Variants in REELD1 observed in about 807,000 individuals in gnomAD.
REELD1 encodes reeler domain containing 1.
A neutral mutation model predicts 6.3 loss-of-function variants in REELD1; 12 were observed. The observed-to-expected ratio is 1.89, with a 90% CI of 1.21 to 3.07. REELD1 has a LOEUF of 3.07. REELD1 is among the 30% of genes most tolerant of loss of function. The pLI, the probability that REELD1 is intolerant of heterozygous loss-of-function variation, is 0.00. For missense variants in REELD1, 163 were observed against 86.8 expected, an observed-to-expected ratio of 1.88 and a Z score of -3.49; for synonymous variants, 57 against 33.6, an observed-to-expected ratio of 1.70 and a Z score of -2.42.
At chr4:146,228,873 T>C (rs1307034033) in intron 6 of REELD1, among the ~76,000 whole-genome samples, 152 bp from the exon 7 acceptor site, 2 of 152,220 alleles carry the variant, frequency 1.3e-5, no homozygotes, top group Non-Finnish European at 2.9e-5. Flanking sequence ...CACTCATCTC[T>C]CCCCTTCCTC....
Position 146,214,596 on chromosome 4 carries a change from A to G in REELD1, c.-233A>G, listed in dbSNP as rs1003376210. The stretch of plus-strand genomic sequence containing the variant: ...GCTGTTATTCTCCCCATTAGAGGAA[A>G]AACTGAAAGGAGAAGAAAATACTTA... On this transcript the variant is annotated 5_prime_UTR_variant, in exon 1 of 8. Coordinates refer to ENST00000623665, the MANE Select transcript of REELD1 (RefSeq NM_001354631.1). The G allele has an allele frequency of 1.3e-5, 2 of 152,206 alleles. No homozygotes were observed. Among genetic ancestry groups the G allele is most frequent in the African/African-American group, 2.4e-5 (1 of 41,402 alleles). The allele number at this position is 152,206 out of a possible 1,614,324, so 9.4% of individuals were successfully genotyped here. A position where few individuals can be genotyped will look rare whatever the true frequency, so the allele number is the denominator to read the frequency against.
intron 3 of REELD1, among the ~76,000 whole-genome samples, chr4:146,219,416 A>G (rs1033459304): frequency 3.3e-5 from 5 of 152,170 alleles, no homozygotes; most frequent in East Asian, 3.9e-4. Flanking sequence ...CTTGAAGGTA[A>G]GGACCATGTT....
chr4:146,216,881 A>G, intron 2 of REELD1, 61 bp from the exon 3 acceptor site: 1 of 397,930 alleles, frequency 2.5e-6, no homozygotes, highest in Non-Finnish European at 4.4e-6. Context: ...CATCCCGAGA[A>G]GACTTTATGT....
In REELD1 at chr4:146,228,309, C is replaced by T. The variant is rs1177196139; in HGVS notation, c.695C>T (p.Ala232Val). The change falls in exon 6 of 8, where the codon GCC becomes GTC. Residue 232 changes from alanine to valine, a missense_variant. Ala to Val is a moderately conservative substitution (Grantham distance 64). Transcript: ENST00000623665. ...AEEDNLDPVPASIWVTKFPGD... is the reference protein window; with the variant it reads ...AEEDNLDPVPVSIWVTKFPGD... ...GAGGACAACCTAGATCCTGTTCCTG[C>T]CAGTATTTGGGTGACAAAGTTTCCT... 5.7e-6 allele frequency: 4 copies of T among 702,530 alleles called. No individual in the cohort carries two copies. The highest frequency in any genetic ancestry group is 1.0e-5 in the Non-Finnish European group (4 of 384,986). The allele number at this position is 702,530 out of a possible 1,614,324, so 43.5% of individuals were successfully genotyped here. A position where few individuals can be genotyped will look rare whatever the true frequency, so the allele number is the denominator to read the frequency against.
At chr4:146,228,659 G>T (rs1222439705) in intron 6 of REELD1, 137 bp downstream of exon 6, 10 of 593,816 alleles carry the variant, frequency 1.7e-5, no homozygotes, top group Non-Finnish European at 2.7e-5. Context: ...ATGTAGCAGG[G>T]CTACTTGTCA....
intron 4 of REELD1, among the ~76,000 whole-genome samples, chr4:146,223,079 C>T (rs1205509933): frequency 6.6e-6 from 1 of 152,194 alleles, no homozygotes; most frequent in Non-Finnish European, 1.5e-5. Flanking sequence ...CAGAAGAGTT[C>T]CTGGCAACAG....
Position 146,228,490 on chromosome 4 carries a change from GA to G in REELD1, c.877del (p.Ser293AlafsTer42), listed in dbSNP as rs1387470039. The G allele has an allele frequency of 1.4e-6, 1 of 702,472 alleles. No homozygotes were observed. The highest frequency in any genetic ancestry group is 2.0e-5 in the Admixed American group (1 of 50,010). 43.5% of individuals were successfully genotyped at this position (702,472 alleles called of 1,614,324 possible). On this transcript the variant is annotated frameshift_variant, in exon 6 of 8. Transcript: ENST00000623665. LOFTEE classifies it high-confidence loss of function. ...TGGCCCTCAAGAGAGTCTCCTCAGA[GA>G]GCTTTGCTTCCAGCCTTAGCACCCA... Reference protein sequence around the residue: ...LVALKRVSSESFASSLSTHHR... With the variant: ...LVALKRVSSEXFASSLSTHHR...
At chr4:146,220,008 A>G (rs1730893805) in intron 3 of REELD1, among the ~76,000 whole-genome samples, 2 of 152,212 alleles carry the variant, frequency 1.3e-5, no homozygotes, top group South Asian at 2.1e-4. Flanking sequence ...CAGTGGCGCA[A>G]TCTTGGCTCA....
At chr4:146,229,125 T>C in intron 7 of REELD1, 37 bp downstream of exon 7, 2 of 700,678 alleles carry the variant, frequency 2.9e-6, no homozygotes, top group South Asian at 1.5e-5. Context: ...TTGTGACTGG[T>C]ATTTTGATCC....
intron 3 of REELD1, among the ~76,000 whole-genome samples, chr4:146,220,344 A>C (rs756968955): frequency 7.6e-4 from 115 of 152,126 alleles, no homozygotes; most frequent in Non-Finnish European, 1.4e-3. Context: ...TACTTTTTAA[A>C]TTTTTTTCAT....
At chr4:146,217,419 T>A (rs1208690073) in intron 3 of REELD1, among the ~76,000 whole-genome samples, 4 of 87,050 alleles carry the variant, frequency 4.6e-5, no homozygotes, top group Admixed American at 1.1e-4. Flanking sequence ...ATTTTTTGTA[T>A]TTTTTTTAGA....
chr4:146,218,434 A>G (rs1226964850), intron 3 of REELD1, among the ~76,000 whole-genome samples: 1 of 152,190 alleles, frequency 6.6e-6, no homozygotes, highest in Non-Finnish European at 1.5e-5. Context: ...GAGCTCCAAC[A>G]CATCAGCAAC....
chr4:146,224,617 T>A lies in REELD1; in HGVS notation c.595+9T>A. The A allele has an allele frequency of 1.4e-6, 1 of 701,786 alleles. No homozygotes were observed. The highest frequency in any genetic ancestry group is 1.7e-5 in the African/African-American group (1 of 57,370). The allele number at this position is 701,786 out of a possible 1,614,324, so 43.5% of individuals were successfully genotyped here. ...TGAAGGAGCTGCTCCAGGTACAGCT[T>A]GTCATTGTATTTGCCAGGCTGGTTG... On this transcript the variant is annotated intron_variant, in intron 5 of 7. Coordinates refer to ENST00000623665, the MANE Select transcript of REELD1 (RefSeq NM_001354631.1).
At position 146,217,784 on chromosome 4, in the gene REELD1, T is replaced by G. The variant is rs146254523; in HGVS notation, c.208+624T>G. ...TATGTGTGTGAAATACACTTTTTTC[T>G]CATTATTTAAAACTAAAATTCATCC... On this transcript the variant is annotated intron_variant, in intron 3 of 7. Coordinates refer to ENST00000623665, the MANE Select transcript of REELD1 (RefSeq NM_001354631.1). 4.2e-3 allele frequency among the ~76,000 whole-genome samples: 636 copies of G among 152,352 alleles called. 2 individuals are homozygous for G. The highest frequency in any genetic ancestry group is 0.014 in the African/African-American group (601 of 41,574).
intron 3 of REELD1, among the ~76,000 whole-genome samples, chr4:146,218,049 G>A (rs1730857090): frequency 6.6e-6 from 1 of 152,238 alleles, no homozygotes; most frequent in South Asian, 2.1e-4. Flanking sequence ...ATCATCCCAG[G>A]AAACACAGGT....
rs1731122148 is a variant in REELD1 at position 146,230,996 on chromosome 4, C to G, written c.*483C>G. 1 of 152,288 alleles carries G rather than the reference C, an allele frequency of 6.6e-6. No individual in the cohort carries two copies. Among genetic ancestry groups the G allele is most frequent in the African/African-American group, 2.4e-5 (1 of 41,460 alleles). 9.4% of individuals were successfully genotyped at this position (152,288 alleles called of 1,614,324 possible). A position where few individuals can be genotyped will look rare whatever the true frequency, so the allele number is the denominator to read the frequency against. On this transcript the variant is annotated 3_prime_UTR_variant, in exon 8 of 8. Transcript: ENST00000623665. ...CCTAAACCACCCCCAAAGAAGTTTTCTTTTCAAAACTGAATTCAACAACTT... is the reference window on the plus strand; with the variant it reads ...CCTAAACCACCCCCAAAGAAGTTTTGTTTTCAAAACTGAATTCAACAACTT...
chr4:146,223,052 G>A (rs906961422), intron 4 of REELD1, among the ~76,000 whole-genome samples: 1 of 152,198 alleles, frequency 6.6e-6, no homozygotes, highest in Non-Finnish European at 1.5e-5. Context: ...ATATGGATGA[G>A]AGAGCCTACG....
At chr4:146,221,985 T>G (rs1475028492) in intron 3 of REELD1, among the ~76,000 whole-genome samples, 2 of 152,036 alleles carry the variant, frequency 1.3e-5, no homozygotes, top group Non-Finnish European at 2.9e-5. Flanking sequence ...TTACAAATAC[T>G]TTTTTTTGGA....
chr4:146,231,595 T>C lies in REELD1; in HGVS notation c.*1082T>C, dbSNP rs771039347. Among the ~76,000 whole-genome samples the C allele has an allele frequency of 6.0e-4, 91 of 152,340 alleles. No individual in the cohort carries two copies. Among genetic ancestry groups the C allele is most frequent in the Non-Finnish European group, 1.1e-3 (78 of 68,036 alleles). Reference sequence around the variant, plus strand: ...ACCTATTATAGAGTCATCATTTTAATGCAGAAACAAAAATCACTACAAATT... The same window carrying C: ...ACCTATTATAGAGTCATCATTTTAACGCAGAAACAAAAATCACTACAAATT... On this transcript the variant is annotated 3_prime_UTR_variant, in exon 8 of 8. Transcript: ENST00000623665.
Sources: allele counts gnomAD v4.1 joint callset (sites outside exome capture counted in the v4.1 genomes callset), GRCh38; gene constraint gnomAD v4.1.1; transcripts MANE v1.5; gene names NCBI Gene and HGNC (gene_info 2026-07-23, HGNC 2026-07-21).